EFCAB7: variants seen among roughly 807,000 people sequenced by gnomAD.
EFCAB7 encodes EF-hand calcium-binding domain-containing protein 7.
EFCAB7 carries 66 observed loss-of-function variants against 77.1 expected under a neutral mutation model. That is an observed-to-expected ratio of 0.86 (90% confidence interval 0.70 to 1.05). EFCAB7 has a LOEUF of 1.05. Ranked by LOEUF, EFCAB7 falls within the 50% of genes least tolerant of loss-of-function variation. The pLI is 0.00. For missense variants in EFCAB7, 638 were observed against 730.5 expected (o/e 0.87, Z 1.46); for synonymous variants, 225 against 243.3 (o/e 0.92, Z 0.70).
At chr1:63,559,522 G>A (rs1290268765) in intron 10 of EFCAB7, among the ~76,000 whole-genome samples, 1 of 152,044 alleles carries the variant, frequency 6.6e-6, no homozygotes, top group Non-Finnish European at 1.5e-5. Context: ...GAGTGTAGTG[G>A]TGCAATCTCA....
the EFCAB7 span, among the ~76,000 whole-genome samples, chr1:63,578,756 C>T: frequency 1.2e-4 from 18 of 151,786 alleles, no homozygotes; most frequent in Admixed American, 1.1e-3. Context: ...AGCAATAGAT[C>T]AATCATATAT....
downstream of EFCAB7, among the ~76,000 whole-genome samples, chr1:63,576,990 T>C (rs1341107007): frequency 6.7e-6 from 1 of 150,192 alleles, no homozygotes; most frequent in Non-Finnish European, 1.5e-5. Flanking sequence ...GTACTAAAAA[T>C]ACAAAAATCA....
At chr1:63,549,157 A>C (rs971492681) in intron 7 of EFCAB7, 1 of 311,896 alleles carries the variant, frequency 3.2e-6, no homozygotes, top group African/African-American at 2.3e-5. Flanking sequence ...CAGAGAACCA[A>C]TTCTGGAGAA....
intron 6 of EFCAB7, among the ~76,000 whole-genome samples, chr1:63,544,049 A>G (rs1391437314): frequency 6.8e-6 from 1 of 146,768 alleles, no homozygotes; most frequent in African/African-American, 2.5e-5. Context: ...GGCTCACTGC[A>G]ACCTCCATCT....
intron 6 of EFCAB7, among the ~76,000 whole-genome samples, chr1:63,544,455 C>A (rs1294879994): frequency 6.6e-6 from 1 of 152,182 alleles, no homozygotes; most frequent in African/African-American, 2.4e-5. Flanking sequence ...CTCTGTCACC[C>A]AGGCTGGAGT....
chr1:63,567,454 CAAA>C (rs973951536), intron 11 of EFCAB7, among the ~76,000 whole-genome samples: 1 of 139,124 alleles, frequency 7.2e-6, no homozygotes, highest in South Asian at 2.3e-4. Flanking sequence ...ACTCCATCTC[CAAA>C]AAAAAAAAAT....
At chr1:63,568,006 G>A (rs188209468) in intron 11 of EFCAB7, among the ~76,000 whole-genome samples, 114 of 152,200 alleles carry the variant, frequency 7.5e-4, no homozygotes, top group African/African-American at 2.6e-3. Flanking sequence ...AAATAACATG[G>A]TATTTGTTAG....
At chr1:63,556,593 T>C (rs1276791302) in intron 9 of EFCAB7, among the ~76,000 whole-genome samples, 1 of 151,270 alleles carries the variant, frequency 6.6e-6, no homozygotes, top group African/African-American at 2.4e-5. Context: ...TGTGTTGAGA[T>C]ACTGTGGTTG....
chr1:63,540,197 T>A (rs989620085), intron 6 of EFCAB7, among the ~76,000 whole-genome samples: 4 of 151,792 alleles, frequency 2.6e-5, no homozygotes, highest in Admixed American at 6.6e-5. Context: ...ACCCCATCTC[T>A]ACTAAAAATA....
chr1:63,557,392 T>C, intron 10 of EFCAB7, 145 bp downstream of exon 10: 2 of 707,468 alleles, frequency 2.8e-6, no homozygotes, highest in South Asian at 2.9e-5. Flanking sequence ...TTGTAGATCA[T>C]AAAAACTTAA....
At chr1:63,583,132 C>T in the EFCAB7 span, among the ~76,000 whole-genome samples, 1 of 152,120 alleles carries the variant, frequency 6.6e-6, no homozygotes, top group African/African-American at 2.4e-5. Flanking sequence ...GTGCCCTATT[C>T]TGGAAAAACA....
chr1:63,534,335 T>G lies in EFCAB7; in HGVS notation c.804+119T>G. On this transcript the variant is annotated intron_variant, in intron 6 of 13. Coordinates refer to ENST00000371088, the MANE Select transcript of EFCAB7 (RefSeq NM_032437.4). The stretch of plus-strand genomic sequence containing the variant: ...AGTTTATGAAGTAATTTGAGGTTTT[T>G]CTGTGTAATTTCTACCTGTAAGCTA... 6 of 828,126 alleles carry G rather than the reference T, an allele frequency of 7.2e-6. No individual in the cohort carries two copies. In the South Asian group the frequency reaches 1.2e-4, roughly 17 times the overall value. 51.3% of individuals were successfully genotyped at this position (828,126 alleles called of 1,614,324 possible).
At chr1:63,544,534 T>G (rs1392173575) in intron 6 of EFCAB7, among the ~76,000 whole-genome samples, 1 of 152,128 alleles carries the variant, frequency 6.6e-6, no homozygotes, top group Non-Finnish European at 1.5e-5. Context: ...TGCCTCAGCC[T>G]CCTGACTAGC....
At chr1:63,569,791 A>C (rs1483716001) in intron 12 of EFCAB7, 1 of 152,226 alleles carries the variant, frequency 6.6e-6, no homozygotes, top group Non-Finnish European at 1.5e-5. Flanking sequence ...GTCCCCACCT[A>C]GTAGATTGCA....
At chr1:63,584,695 T>C in the EFCAB7 span, among the ~76,000 whole-genome samples, 200 of 152,366 alleles carry the variant, frequency 1.3e-3, 3 homozygotes, top group Admixed American at 0.011. Context: ...TGAAGACTTA[T>C]GATGATCCAC....
intron 10 of EFCAB7, among the ~76,000 whole-genome samples, chr1:63,560,243 C>T (rs146819017): frequency 0.018 from 2,699 of 151,978 alleles, 97 homozygotes; most frequent in African/African-American, 0.061. Flanking sequence ...TGAGCCACTG[C>T]GCCTGGCCCA....
chr1:63,534,274 A>G (rs1570388477), intron 6 of EFCAB7, 58 bp downstream of exon 6: 1 of 1,507,568 alleles, frequency 6.6e-7, no homozygotes, highest in Non-Finnish European at 9.1e-7. Flanking sequence ...CATTAAGTTT[A>G]TTAATAACTG....
intron 6 of EFCAB7, among the ~76,000 whole-genome samples, chr1:63,544,614 T>C (rs922822682): frequency 6.6e-6 from 1 of 152,070 alleles, no homozygotes; most frequent in Non-Finnish European, 1.5e-5. Flanking sequence ...GGTTTCACCA[T>C]GTTGGCCAGG....
chr1:63,567,880 T>A (rs1647187838), intron 11 of EFCAB7, among the ~76,000 whole-genome samples: 1 of 152,212 alleles, frequency 6.6e-6, no homozygotes, highest in Admixed American at 6.5e-5. Flanking sequence ...GTTTTTAGAC[T>A]AAACGTTTAG....
Sources: allele counts gnomAD v4.1 joint callset (sites outside exome capture counted in the v4.1 genomes callset), GRCh38; gene constraint gnomAD v4.1.1; transcripts MANE v1.5; gene names NCBI Gene and HGNC (gene_info 2026-07-23, HGNC 2026-07-21).